CFAP57: variants seen among roughly 807,000 people sequenced by gnomAD.
CFAP57 encodes cilia- and flagella-associated protein 57.
Under a neutral mutation model 146.8 loss-of-function variants are expected in CFAP57, and 116 were observed. The ratio of observed to expected loss-of-function variants is 0.79; its 90% CI spans 0.68 to 0.92. The LOEUF (loss-of-function observed/expected upper bound fraction) is 0.92, where lower values mean the gene tolerates loss of function less well. Among genes scored for constraint, CFAP57 ranks in the 40% least tolerant of loss-of-function variants. The probability of loss-of-function intolerance (pLI) is 0.00; values close to 1 mark genes in which losing one functional copy is unlikely to be tolerated. For missense variants in CFAP57, 1,377 were observed against 1,527.2 expected, an observed-to-expected ratio of 0.90 and a Z score of 1.64; for synonymous variants, 518 against 552.8, an observed-to-expected ratio of 0.94 and a Z score of 0.88.
chr1:43,223,061 G>C, intron 16 of CFAP57, 64 bp downstream of exon 16: 2 of 1,488,468 alleles, frequency 1.3e-6, no homozygotes, highest in Non-Finnish European at 1.8e-6. Context: ...GCTGGGGTGG[G>C]TGGACTGACC....
At chr1:43,198,884 G>A (rs1643985471) in intron 8 of CFAP57, among the ~76,000 whole-genome samples, 1 of 152,168 alleles carries the variant, frequency 6.6e-6, no homozygotes, top group Non-Finnish European at 1.5e-5. Context: ...AAAACCTTGT[G>A]AGATCCCCGC....
rs1644379762 is a variant in CFAP57 at position 43,206,878 on chromosome 1, A to G, written c.1701A>G (p.Lys567=). 1.2e-6 allele frequency: 2 copies of G among 1,614,008 alleles called. No individual in the cohort carries two copies. Among genetic ancestry groups the G allele is most frequent in the Middle Eastern group, 1.6e-4 (1 of 6,078 alleles). Residue 567 remains lysine (K), a synonymous_variant, in exon 10 of 23, where the codon AAA becomes AAG. Transcript: ENST00000372492. ...GTGTTACTGTCTCCCCCGATGCCAA[A>G]ATTATCTTTGCTGTTGGATCAGACC... The part of the protein sequence containing the change: ...YNCVTVSPDA[K]IIFAVGSDHT...
rs1348580284 is a variant in CFAP57, at chr1:43,223,417, G to A, written c.2706+420G>A. Among the ~76,000 whole-genome samples the A allele has an allele frequency of 3.9e-5, 6 of 152,298 alleles. No homozygotes were observed. The East Asian group carries it at 5.8e-4, about 15-fold the overall frequency. On this transcript the variant is annotated intron_variant, in intron 16 of 22. Transcript: ENST00000372492. Reference sequence around the variant, plus strand: ...GCTCTTGGTCCAGGGAGTCATGGGCGGCTCCTGTTCAGCACCACAGGTGGG... The same window carrying A: ...GCTCTTGGTCCAGGGAGTCATGGGCAGCTCCTGTTCAGCACCACAGGTGGG...
chr1:43,231,718 A>AAAAAAAAAAAAG (rs373943745), intron 18 of CFAP57, among the ~76,000 whole-genome samples: 2 of 144,268 alleles, frequency 1.4e-5, no homozygotes, highest in Admixed American at 7.0e-5. Flanking sequence ...AAAAAAAAAA[A>AAAAAAAAAAAAG]TTAGTTGGGC....
intron 11 of CFAP57, among the ~76,000 whole-genome samples, chr1:43,212,164 G>T (rs1018667053): frequency 6.6e-6 from 1 of 152,070 alleles, no homozygotes; most frequent in Admixed American, 6.6e-5. Flanking sequence ...AATTGACATG[G>T]TCCACAGTGT....
intron 6 of CFAP57, chr1:43,194,621 C>T (rs374854347): frequency 6.6e-6 from 1 of 152,266 alleles, no homozygotes; most frequent in Non-Finnish European, 1.5e-5. Flanking sequence ...TTTTCTGAGG[C>T]TCTGTAAATT....
Position 43,183,511 on chromosome 1 carries a change from T to C in CFAP57, c.475-80T>C, listed in dbSNP as rs971107316. On this transcript the variant is annotated intron_variant, in intron 3 of 22. Transcript: ENST00000372492. The stretch of plus-strand genomic sequence containing the variant: ...GATATTCTGAGCAGCCTGAAATAAA[T>C]ATTAATTTGTAAAATGGGAAATAAT... 4.6e-6 allele frequency: 6 copies of C among 1,305,886 alleles called. No individual in the cohort carries two copies. In the African/African-American group the frequency reaches 7.4e-5, roughly 16 times the overall value. 80.9% of individuals were successfully genotyped at this position (1,305,886 alleles called of 1,614,324 possible).
chr1:43,245,277 T>C (rs1394290819), intron 22 of CFAP57, among the ~76,000 whole-genome samples: 2 of 150,068 alleles, frequency 1.3e-5, no homozygotes, highest in Non-Finnish European at 2.9e-5. Context: ...CTGTGAGCCA[T>C]GATCACGCCA....
chr1:43,248,630 T>A (rs545604669), intron 22 of CFAP57, among the ~76,000 whole-genome samples: 1 of 152,032 alleles, frequency 6.6e-6, no homozygotes, highest in South Asian at 2.1e-4. Flanking sequence ...ATAAAAAAAT[T>A]TTCATGTCCA....
At chr1:43,214,988 T>G (rs1375675147) in intron 11 of CFAP57, among the ~76,000 whole-genome samples, 1 of 152,236 alleles carries the variant, frequency 6.6e-6, no homozygotes, top group Admixed American at 6.5e-5. Flanking sequence ...TTTTTACTGT[T>G]GAGTTTTGAG....
intron 12 of CFAP57, among the ~76,000 whole-genome samples, chr1:43,217,922 C>T (rs1412591432): frequency 2.6e-5 from 4 of 152,178 alleles, no homozygotes; most frequent in African/African-American, 9.7e-5. Context: ...TCTTGGCTGC[C>T]CCTTCCTATA....
chr1:43,243,335 C>T lies in CFAP57; in HGVS notation c.3514C>T (p.Arg1172Ter), dbSNP rs566733912. The T allele has an allele frequency of 1.6e-5, 25 of 1,537,066 alleles. 1 individual carries two copies. The highest frequency in any genetic ancestry group is 2.8e-5 in the African/African-American group (2 of 72,662). The stretch of plus-strand genomic sequence containing the variant: ...AGCTCTGAAACTGACCAAGAAAGTC[C>T]GACCACAAGAAGTTTCAGAGACAGG... ...EAALKLTKKVRPQEVSETEPS... is the reference protein window; with the variant it reads ...EAALKLTKKV The change falls in exon 22 of 23, where the codon CGA becomes TGA. Residue 1172 changes from arginine (R) to a stop codon, truncating the protein, a stop_gained. Transcript: ENST00000372492. LOFTEE classifies it low-confidence loss of function (END_TRUNC).
At chr1:43,251,541 A>G (rs1646326423) in intron 22 of CFAP57, among the ~76,000 whole-genome samples, 1 of 152,256 alleles carries the variant, frequency 6.6e-6, no homozygotes. Context: ...ATGTTTATTC[A>G]AAAACAACTG....
In CFAP57 at chr1:43,219,557, C is replaced by T. The variant is rs1314278458; in HGVS notation, c.2247+20C>T. 1 of 1,550,016 alleles carries T rather than the reference C, an allele frequency of 6.5e-7. No individual in the cohort carries two copies. The highest frequency in any genetic ancestry group is 1.2e-5 in the South Asian group (1 of 83,876). ...AACCAGGTCTGTTTAAGAGACTGAC[C>T]AACAAGCACAAATAACAAGAAATTT... On this transcript the variant is annotated intron_variant, in intron 13 of 22. Coordinates refer to ENST00000372492, the MANE Select transcript of CFAP57 (RefSeq NM_001378189.1).
chr1:43,210,182 T>A (rs1156647599), intron 11 of CFAP57: 12 of 1,543,872 alleles, frequency 7.8e-6, no homozygotes, highest in Non-Finnish European at 8.7e-6. Flanking sequence ...TAAGGGGCCG[T>A]TTGGTGGATG....
At chr1:43,182,494 T>C (rs2124280574) in intron 3 of CFAP57, among the ~76,000 whole-genome samples, 1 of 152,314 alleles carries the variant, frequency 6.6e-6, no homozygotes, top group Middle Eastern at 3.4e-3. Context: ...AATCAGTGTC[T>C]CTGGCATAGA....
In CFAP57 at chr1:43,243,216, CT is replaced by C; in HGVS notation, c.3406-7del. 6.5e-7 allele frequency: 1 copy of C among 1,549,418 alleles called. No individual in the cohort carries two copies. ...CATCCACCCTCCCTCTCTCTTCCCC[CT>C]TTTCTGCAGGAAAATGTCTCTCTGA... is the stretch of plus-strand genomic sequence containing the variant. On this transcript the variant is annotated splice_polypyrimidine_tract_variant and intron_variant, in intron 21 of 22. Transcript: ENST00000372492.
chr1:43,241,687 C>G (rs183360956), intron 21 of CFAP57, among the ~76,000 whole-genome samples: 1 of 152,292 alleles, frequency 6.6e-6, no homozygotes, highest in Non-Finnish European at 1.5e-5. Flanking sequence ...AAAGTGTGGT[C>G]TGGCCTGCAG....
rs1388537826 is a variant in CFAP57, at chr1:43,194,558, CCTT to C, written c.1123-2992_1123-2990del. ...TTCTGTTCCTTTCTCTTTCTCCTCT[CCTT>C]CTAGCATTCACCTTATGCATTAGTT... On this transcript the variant is annotated intron_variant, in intron 6 of 22. Transcript: ENST00000372492. 2.6e-5 allele frequency: 4 copies of C among 152,298 alleles called. No homozygotes were observed. The East Asian group carries it at 7.7e-4, about 29-fold the overall frequency. 9.4% of individuals were successfully genotyped at this position (152,298 alleles called of 1,614,324 possible).
Sources: allele counts gnomAD v4.1 joint callset (sites outside exome capture counted in the v4.1 genomes callset), GRCh38; gene constraint gnomAD v4.1.1; transcripts MANE v1.5; gene names NCBI Gene and HGNC (gene_info 2026-07-23, HGNC 2026-07-21).